ZCCHC17: variants seen among roughly 807,000 people sequenced by gnomAD.
The protein encoded by ZCCHC17 is zinc finger CCHC domain-containing protein 17.
ZCCHC17 carries 18 observed loss-of-function variants against 30.6 expected under a neutral mutation model. The ratio of observed to expected loss-of-function variants is 0.59; its 90% confidence interval spans 0.41 to 0.87. The LOEUF (loss-of-function observed/expected upper bound fraction) is 0.87, where lower values mean the gene tolerates loss of function less well. Among genes scored for constraint, ZCCHC17 ranks in the 40% least tolerant of loss-of-function variants. The probability of loss-of-function intolerance (pLI) is 0.00; values close to 1 mark genes in which losing one functional copy is unlikely to be tolerated. For synonymous variants in ZCCHC17, 88 were observed against 92.4 expected (o/e 0.95, Z 0.27); for missense variants, 263 against 284.2 (o/e 0.93, Z 0.54).
intron 5 of ZCCHC17, among the ~76,000 whole-genome samples, chr1:31,339,819 G>T (rs772151863): frequency 6.6e-6 from 1 of 152,078 alleles, no homozygotes; most frequent in Non-Finnish European, 1.5e-5. Context: ...CCCACATCTT[G>T]GGATACACTG....
At chr1:31,346,813 C>T (rs779885626) in intron 6 of ZCCHC17, 73 bp downstream of exon 6, 2 of 1,597,088 alleles carry the variant, frequency 1.3e-6, no homozygotes, top group Non-Finnish European at 1.7e-6. Context: ...AAGGAGGCAG[C>T]CCAGTGTGAG....
chr1:31,323,543 G>A (rs1402573396), intron 3 of ZCCHC17, among the ~76,000 whole-genome samples: 1 of 151,602 alleles, frequency 6.6e-6, no homozygotes, highest in Non-Finnish European at 1.5e-5. Context: ...GGATGGTCTC[G>A]ATCTCCTGAC....
At chr1:31,325,334 C>T (rs935705545) in intron 3 of ZCCHC17, among the ~76,000 whole-genome samples, 2 of 152,236 alleles carry the variant, frequency 1.3e-5, no homozygotes, top group Admixed American at 6.5e-5. Flanking sequence ...ACTTGGGACC[C>T]GTTGAATGGC....
chr1:31,322,330 A>G (rs1389029161), intron 3 of ZCCHC17, among the ~76,000 whole-genome samples: 2 of 152,332 alleles, frequency 1.3e-5, no homozygotes, highest in East Asian at 3.9e-4. Flanking sequence ...TCCTCAGATT[A>G]CCTACACTTT....
chr1:31,362,369 A>G (rs1639939814), intron 7 of ZCCHC17, among the ~76,000 whole-genome samples: 3 of 152,070 alleles, frequency 2.0e-5, no homozygotes, highest in African/African-American at 7.2e-5. Flanking sequence ...CTCCTCCCAT[A>G]CTTTCTCCCT....
intron 3 of ZCCHC17, 72 bp downstream of exon 3, chr1:31,319,238 T>G: frequency 7.8e-7 from 1 of 1,275,494 alleles, no homozygotes; most frequent in Non-Finnish European, 1.1e-6. Flanking sequence ...CTCCTAATTA[T>G]AGGCTGTACA....
At chr1:31,311,888 A>T (rs1646613440) in intron 2 of ZCCHC17, among the ~76,000 whole-genome samples, 1 of 152,198 alleles carries the variant, frequency 6.6e-6, no homozygotes, top group African/African-American at 2.4e-5. Context: ...TAAGTCATGA[A>T]GGCTCTGCCC....
chr1:31,309,747 C>T (rs1046738727), intron 1 of ZCCHC17, among the ~76,000 whole-genome samples: 1 of 151,974 alleles, frequency 6.6e-6, no homozygotes, highest in East Asian at 1.9e-4. Context: ...AACATCTTTT[C>T]CCACCCTCCC....
intron 2 of ZCCHC17, among the ~76,000 whole-genome samples, chr1:31,317,999 T>C (rs1198804761): frequency 6.6e-6 from 1 of 152,260 alleles, no homozygotes; most frequent in Non-Finnish European, 1.5e-5. Flanking sequence ...AATCTCTTCA[T>C]GCATCTTTTT....
At chr1:31,331,416 G>A (rs1233532192) in intron 3 of ZCCHC17, among the ~76,000 whole-genome samples, 3 of 152,060 alleles carry the variant, frequency 2.0e-5, no homozygotes, top group Non-Finnish European at 4.4e-5. Flanking sequence ...AAAGTGCTGG[G>A]ATTACAGGCG....
At chr1:31,320,449 C>A (rs1646834983) in intron 3 of ZCCHC17, among the ~76,000 whole-genome samples, 1 of 152,174 alleles carries the variant, frequency 6.6e-6, no homozygotes, top group South Asian at 2.1e-4. Context: ...CAAAAAGAAA[C>A]CCTGTACCTA....
chr1:31,302,338 T>G (rs914491765), intron 1 of ZCCHC17, among the ~76,000 whole-genome samples: 24 of 152,164 alleles, frequency 1.6e-4, no homozygotes, highest in African/African-American at 5.8e-4. Context: ...TCCCCCCTCT[T>G]TCTCTACCTG....
At chr1:31,321,986 G>A (rs1646871757) in intron 3 of ZCCHC17, among the ~76,000 whole-genome samples, 1 of 152,184 alleles carries the variant, frequency 6.6e-6, no homozygotes, top group Admixed American at 6.5e-5. Context: ...CTTGTGGTGA[G>A]GGACCTGTTC....
chr1:31,322,769 T>C (rs529493873), intron 3 of ZCCHC17, among the ~76,000 whole-genome samples: 2 of 151,646 alleles, frequency 1.3e-5, no homozygotes, highest in Admixed American at 1.3e-4. Flanking sequence ...TTGCCCAGGC[T>C]GGAGTACAGT....
chr1:31,307,415 T>C (rs1646489676), intron 1 of ZCCHC17, among the ~76,000 whole-genome samples: 1 of 151,140 alleles, frequency 6.6e-6, no homozygotes, highest in South Asian at 2.1e-4. Context: ...CTTTAGACTT[T>C]TTTTTTTTTT....
intron 3 of ZCCHC17, among the ~76,000 whole-genome samples, chr1:31,335,058 CTCTCAGTTATGTT>C (rs984342369): frequency 2.0e-5 from 3 of 152,154 alleles, no homozygotes; most frequent in South Asian, 2.1e-4. Context: ...TCCAGGATAA[CTCTCAGTTATGTT>C]TCTCAGTTAT....
intron 5 of ZCCHC17, among the ~76,000 whole-genome samples, chr1:31,340,113 C>A (rs556764597): frequency 2.0e-5 from 3 of 151,374 alleles, no homozygotes; most frequent in Admixed American, 2.0e-4. Flanking sequence ...TGCGCCACCA[C>A]ACCTAATTTT....
At chr1:31,360,418 C>T (rs1057339464) in intron 7 of ZCCHC17, among the ~76,000 whole-genome samples, 1 of 152,238 alleles carries the variant, frequency 6.6e-6, no homozygotes, top group Non-Finnish European at 1.5e-5. Flanking sequence ...ATCCACCCAC[C>T]TTGGCCTCCC....
chr1:31,344,681 G>A (rs1285380549), intron 5 of ZCCHC17, among the ~76,000 whole-genome samples: 1 of 152,166 alleles, frequency 6.6e-6, no homozygotes, highest in Non-Finnish European at 1.5e-5. Flanking sequence ...AGTATGATTT[G>A]GTTTGTAGTC....
Sources: gnomAD v4.1 joint callset for allele counts (sites outside exome capture counted in the v4.1 genomes callset) on GRCh38, gnomAD v4.1.1 for gene constraint, MANE v1.5 for transcripts, NCBI Gene and HGNC (gene_info 2026-07-23, HGNC 2026-07-21) for gene names.